The following BLOC1S2 variants were observed in gnomAD, a reference collection of about 807,000 sequenced individuals.
BLOC1S2 encodes biogenesis of lysosomal organelles complex 1 subunit 2.
A neutral mutation model predicts 19.6 loss-of-function variants in BLOC1S2; 12 were observed. The observed-to-expected ratio is 0.61, with a 90% CI of 0.39 to 0.99. The LOEUF is 0.99. Among genes scored for constraint, BLOC1S2 ranks in the 50% least tolerant of loss-of-function variants. The pLI is 0.00. For missense variants in BLOC1S2, 142 were observed against 171.0 expected, an observed-to-expected ratio of 0.83 and a Z score of 0.95; for synonymous variants, 66 against 64.1, an observed-to-expected ratio of 1.03 and a Z score of -0.14.
intron 4 of BLOC1S2, among the ~76,000 whole-genome samples, chr10:100,276,090 G>A (rs1000643455): frequency 6.6e-6 from 1 of 152,090 alleles, no homozygotes; most frequent in African/African-American, 2.4e-5. Flanking sequence ...TACATGGTAA[G>A]GTTACCCCTG....
intron 2 of BLOC1S2, among the ~76,000 whole-genome samples, chr10:100,284,503 T>C (rs1404886444): frequency 6.6e-6 from 1 of 152,176 alleles, no homozygotes; most frequent in East Asian, 1.9e-4. Flanking sequence ...CTATTATTTA[T>C]TTATTTAGGA....
chr10:100,282,558 T>C (rs1848135946), intron 2 of BLOC1S2, among the ~76,000 whole-genome samples: 1 of 152,212 alleles, frequency 6.6e-6, no homozygotes. Context: ...TAACTGCTCT[T>C]CTTAGATGTC....
rs1342688225 is a variant in BLOC1S2 at position 100,273,457 on chromosome 10, AG to A, written c.*2004del. 1 of 152,244 alleles carries A rather than the reference AG, an allele frequency of 6.6e-6. No homozygotes were observed. The highest frequency in any genetic ancestry group is 1.5e-5 in the Non-Finnish European group (1 of 68,044). 9.4% of individuals were successfully genotyped at this position (152,244 alleles called of 1,614,324 possible). On this transcript the variant is annotated 3_prime_UTR_variant, in exon 5 of 5. Transcript: ENST00000370372. Reference sequence around the variant, plus strand: ...CGTAAATCTAAATCTATTTTCAAAAAGTTTATGAAAACTCATCCATGGGAAT... The same window carrying A: ...CGTAAATCTAAATCTATTTTCAAAAATTTATGAAAACTCATCCATGGGAAT...
chr10:100,282,865 C>T (rs1182268177), intron 2 of BLOC1S2: 2 of 398,360 alleles, frequency 5.0e-6, no homozygotes, highest in Admixed American at 4.4e-5. Flanking sequence ...TTAAGTGCAC[C>T]ATACAGGCAT....
chr10:100,286,591 TC>T lies in BLOC1S2; in HGVS notation c.55+13del. 6.2e-7 allele frequency: 1 copy of T among 1,612,418 alleles called. No homozygotes were observed. Among genetic ancestry groups the T allele is most frequent in the Non-Finnish European group, 8.5e-7 (1 of 1,179,104 alleles). ...CCCCCCACCGGACGCTTCCTCCCCA[TC>T]CATTCCGGGTACCTCGGGCGGGCTC... On this transcript the variant is annotated intron_variant, in intron 1 of 4. Coordinates refer to ENST00000370372, the MANE Select transcript of BLOC1S2 (RefSeq NM_173809.5).
At position 100,283,139 on chromosome 10, in the gene BLOC1S2, C is replaced by G. The variant is rs548371242; in HGVS notation, c.173-2086G>C. ...CAGCTATTTTGGCTGATGGCACCAC[C>G]CAGGCTTAAAACCTCAGATACATCT... On this transcript the variant is annotated intron_variant, in intron 2 of 4. Transcript: ENST00000370372. Among the ~76,000 whole-genome samples the G allele has an allele frequency of 3.3e-5, 5 of 152,308 alleles. No individual in the cohort carries two copies. In the South Asian group the frequency reaches 1.0e-3, roughly 32 times the overall value.
intron 4 of BLOC1S2, among the ~76,000 whole-genome samples, chr10:100,277,642 T>G (rs1589647762): frequency 9.1e-6 from 1 of 109,854 alleles, no homozygotes; most frequent in African/African-American, 3.6e-5. Context: ...AGCCACCCCG[T>G]CCAGGAGGGA....
chr10:100,285,888 CTT>C (rs1191274671), intron 2 of BLOC1S2, among the ~76,000 whole-genome samples: 1 of 152,186 alleles, frequency 6.6e-6, no homozygotes, highest in African/African-American at 2.4e-5. Context: ...GATATGAACT[CTT>C]TTTTGTTATT....
intron 4 of BLOC1S2, among the ~76,000 whole-genome samples, chr10:100,277,726 C>T (rs1378148724): frequency 8.3e-5 from 11 of 132,062 alleles, no homozygotes; most frequent in East Asian, 7.3e-4. Flanking sequence ...GCCCCCCGCC[C>T]GGCCAGCCGC....
At chr10:100,279,431 G>A (rs984234317) in intron 4 of BLOC1S2, among the ~76,000 whole-genome samples, 1 of 152,090 alleles carries the variant, frequency 6.6e-6, no homozygotes, top group South Asian at 2.1e-4. Context: ...CCTACAAAAT[G>A]AGGATAAAAA....
Position 100,275,236 on chromosome 10 carries a change from A to C in BLOC1S2, c.*226T>G, listed in dbSNP as rs182147651. The C allele has an allele frequency of 8.8e-5, 41 of 466,896 alleles. No individual in the cohort carries two copies. The Admixed American group carries it at 1.5e-3, about 17-fold the overall frequency. 28.9% of individuals were successfully genotyped at this position (466,896 alleles called of 1,614,324 possible). ...CCTGAATATGGCAAAGCATTCAAGT[A>C]AAAGGTAGGAAGTTATAAGTGTGAG... On this transcript the variant is annotated 3_prime_UTR_variant, in exon 5 of 5. Coordinates refer to ENST00000370372, the MANE Select transcript of BLOC1S2 (RefSeq NM_173809.5).
At chr10:100,277,842 AG>A (rs1279317109) in intron 4 of BLOC1S2, among the ~76,000 whole-genome samples, 1 of 118,700 alleles carries the variant, frequency 8.4e-6, no homozygotes. Flanking sequence ...TGGGGGAGTC[AG>A]CCCCCCGCCC....
intron 2 of BLOC1S2, among the ~76,000 whole-genome samples, chr10:100,282,754 G>A (rs74545699): frequency 0.011 from 1,640 of 152,256 alleles, 29 homozygotes; most frequent in African/African-American, 0.037. Flanking sequence ...GCATTTGTGC[G>A]AGTAAGAATA....
intron 4 of BLOC1S2, among the ~76,000 whole-genome samples, chr10:100,277,348 C>G (rs796510811): frequency 0.27 from 39,088 of 143,212 alleles, 1,006 homozygotes; most frequent in Non-Finnish European, 0.35. Flanking sequence ...CAGCCCCCCG[C>G]CCGGCCAGCC....
chr10:100,281,926 A>C (rs1445767636), intron 2 of BLOC1S2, among the ~76,000 whole-genome samples: 1 of 152,192 alleles, frequency 6.6e-6, no homozygotes, highest in Non-Finnish European at 1.5e-5. Flanking sequence ...CAAGTCCATT[A>C]ACATAAGCTG....
chr10:100,278,068 G>GC (rs71013435), intron 4 of BLOC1S2, among the ~76,000 whole-genome samples: 3 of 136,538 alleles, frequency 2.2e-5, no homozygotes, highest in Non-Finnish European at 3.2e-5. Context: ...GGGGGGCTCA[G>GC]CCCCCCGCCG....
intron 4 of BLOC1S2, among the ~76,000 whole-genome samples, chr10:100,278,015 A>C (rs1188792285): frequency 4.8e-4 from 38 of 79,256 alleles, no homozygotes; most frequent in South Asian, 2.8e-3. Flanking sequence ...AGGTGAGGGA[A>C]TCAGCCCCCC....
rs373849219 is a variant in BLOC1S2, at chr10:100,286,628, G to A, written c.32C>T (p.Thr11Ile). The A allele has an allele frequency of 3.1e-6, 5 of 1,612,318 alleles. No individual in the cohort carries two copies. Among genetic ancestry groups the A allele is most frequent in the Non-Finnish European group, 3.4e-6 (4 of 1,179,176 alleles). The change falls in exon 1 of 5, where the codon ACC becomes ATC. Residue 11 changes from threonine to isoleucine, a missense_variant. Thr to Ile is a moderately conservative substitution (Grantham distance 89). Coordinates refer to ENST00000370372, the MANE Select transcript of BLOC1S2 (RefSeq NM_173809.5). MAAAAEGVLA[T>I]RSDEPARDDA... is the part of the protein sequence containing the mutation. The stretch of plus-strand genomic sequence containing the variant: ...ACCTCGGGCGGGCTCATCACTCCGG[G>A]TCGCCAGTACGCCCTCGGCTGCCGC...
chr10:100,280,297 A>C, intron 3 of BLOC1S2, 69 bp from the exon 4 acceptor site: 1 of 1,382,676 alleles, frequency 7.2e-7, no homozygotes, highest in Non-Finnish European at 1.0e-6. Flanking sequence ...AAAGAGTGGA[A>C]AAGTAATAAT....
Sources: gnomAD v4.1 joint callset for allele counts (sites outside exome capture counted in the v4.1 genomes callset) on GRCh38, gnomAD v4.1.1 for gene constraint, MANE v1.5 for transcripts, NCBI Gene and HGNC (gene_info 2026-07-23, HGNC 2026-07-21) for gene names.